FAM169A: variants seen among roughly 807,000 people sequenced by gnomAD.
FAM169A encodes the protein soluble lamin-associated protein of 75 kDa.
A neutral mutation model predicts 75.7 loss-of-function variants in FAM169A; 24 were observed. The observed-to-expected ratio is 0.32, with a 90% CI of 0.23 to 0.45. The LOEUF is 0.45. Among genes scored for constraint, FAM169A ranks in the 20% least tolerant of loss-of-function variants. The pLI is 1.00. For missense variants in FAM169A, 673 were observed against 784.0 expected (o/e 0.86, Z 1.69); for synonymous variants, 271 against 271.0 (o/e 1.00, Z 0.00).
At chr5:74,796,762 T>C (rs1426662779) in intron 10 of FAM169A, among the ~76,000 whole-genome samples, 1 of 152,050 alleles carries the variant, frequency 6.6e-6, no homozygotes, top group Non-Finnish European at 1.5e-5. Flanking sequence ...TCTTATTCTA[T>C]TAGAATGAGC....
chr5:74,860,980 T>C (rs62367766), intron 1 of FAM169A, among the ~76,000 whole-genome samples: 35,176 of 151,614 alleles, frequency 0.23, 4,296 homozygotes, highest in Middle Eastern at 0.3. Flanking sequence ...TACTAAAAAG[T>C]ACAAAAATTA....
At chr5:74,836,103 A>G (rs1469568826) in intron 4 of FAM169A, among the ~76,000 whole-genome samples, 1 of 152,172 alleles carries the variant, frequency 6.6e-6, no homozygotes, top group Non-Finnish European at 1.5e-5. Flanking sequence ...TTTCATGAAG[A>G]TATTTTGAAG....
intron 10 of FAM169A, among the ~76,000 whole-genome samples, chr5:74,798,505 T>C (rs1746393466): frequency 6.6e-6 from 1 of 152,156 alleles, no homozygotes; most frequent in African/African-American, 2.4e-5. Flanking sequence ...CATTACAAAT[T>C]TTCACCAAAA....
At chr5:74,822,010 C>T (rs1390663863) in intron 5 of FAM169A, among the ~76,000 whole-genome samples, 4 of 152,242 alleles carry the variant, frequency 2.6e-5, no homozygotes, top group Middle Eastern at 3.4e-3. Context: ...GTCTCCAGGT[C>T]GTTGTATTTC....
At chr5:74,786,530 T>C (rs952510068) in intron 11 of FAM169A, among the ~76,000 whole-genome samples, 5 of 152,092 alleles carry the variant, frequency 3.3e-5, no homozygotes, top group Non-Finnish European at 7.4e-5. Context: ...ACACCGCTCG[T>C]GAGAGGGAAG....
At chr5:74,834,851 C>A (rs1399946492) in intron 4 of FAM169A, among the ~76,000 whole-genome samples, 1 of 152,022 alleles carries the variant, frequency 6.6e-6, no homozygotes, top group African/African-American at 2.4e-5. Context: ...GGGCAAAAAA[C>A]AGGTCCCCAA....
At chr5:74,784,549 AGTATT>A in intron 11 of FAM169A, among the ~76,000 whole-genome samples, 1 of 141,432 alleles carries the variant, frequency 7.1e-6, no homozygotes, top group African/African-American at 2.7e-5. Context: ...AAAGTGCAAT[AGTATT>A]ATAAAGTGAG....
intron 5 of FAM169A, among the ~76,000 whole-genome samples, chr5:74,833,812 A>T (rs1358258951): frequency 6.6e-6 from 1 of 152,210 alleles, no homozygotes; most frequent in Non-Finnish European, 1.5e-5. Context: ...CAGCTGCTCT[A>T]GGGAGCTGAA....
intron 1 of FAM169A, 88 bp downstream of exon 1, chr5:74,866,077 G>T: frequency 1.5e-6 from 1 of 665,664 alleles, no homozygotes; most frequent in Non-Finnish European, 1.9e-6. Context: ...CGGTGTCCGC[G>T]GGTCTGGTGC....
At chr5:74,783,400 C>A (rs1016063896) in intron 11 of FAM169A, among the ~76,000 whole-genome samples, 18 of 152,166 alleles carry the variant, frequency 1.2e-4, no homozygotes, top group African/African-American at 4.3e-4. Context: ...TGTGGACACA[C>A]AGTATGGGTC....
chr5:74,842,072 C>A (rs892144730), intron 1 of FAM169A, among the ~76,000 whole-genome samples: 2 of 150,140 alleles, frequency 1.3e-5, no homozygotes, highest in African/African-American at 2.5e-5. Flanking sequence ...AAATGTTCTA[C>A]AATTGGATTG....
At chr5:74,792,825 A>G (rs1580082110) in intron 11 of FAM169A, among the ~76,000 whole-genome samples, 1 of 152,214 alleles carries the variant, frequency 6.6e-6, no homozygotes, top group Non-Finnish European at 1.5e-5. Context: ...TACAACCACT[A>G]TGGAAAACAG....
chr5:74,813,072 A>AC (rs1747287679), intron 6 of FAM169A, among the ~76,000 whole-genome samples: 1 of 152,240 alleles, frequency 6.6e-6, no homozygotes, highest in South Asian at 2.1e-4. Context: ...ACAAAAAGCC[A>AC]CATGCTATAT....
intron 11 of FAM169A, among the ~76,000 whole-genome samples, chr5:74,792,235 T>C (rs530273507): frequency 6.6e-6 from 1 of 152,268 alleles, no homozygotes; most frequent in East Asian, 1.9e-4. Flanking sequence ...CTTGATTGGA[T>C]TGAAGGATGC....
intron 11 of FAM169A, among the ~76,000 whole-genome samples, chr5:74,794,493 A>G (rs924407799): frequency 4.1e-4 from 58 of 140,164 alleles, no homozygotes; most frequent in Middle Eastern, 0.01. Context: ...TTGGGAGGCC[A>G]AGAGGAGCAG....
At chr5:74,796,385 T>C (rs996123434) in intron 10 of FAM169A, among the ~76,000 whole-genome samples, 199 bp from the exon 11 acceptor site, 4 of 151,922 alleles carry the variant, frequency 2.6e-5, no homozygotes, top group Non-Finnish European at 5.9e-5. Context: ...CCTTCTTCTT[T>C]TATTCTATCC....
At chr5:74,834,670 C>T (rs749801752) in intron 4 of FAM169A, 73 bp from the exon 5 acceptor site, 27 of 1,238,696 alleles carry the variant, frequency 2.2e-5, no homozygotes, top group Non-Finnish European at 2.8e-5. Flanking sequence ...TTACTTTGCT[C>T]CCTGCTCCCA....
chr5:74,859,839 G>T (rs183748223), intron 1 of FAM169A, among the ~76,000 whole-genome samples: 1 of 151,980 alleles, frequency 6.6e-6, no homozygotes, highest in East Asian at 1.9e-4. Flanking sequence ...GCAACAAAGC[G>T]AGACCCCATC....
At chr5:74,790,674 C>G (rs1745929138) in intron 11 of FAM169A, among the ~76,000 whole-genome samples, 1 of 152,274 alleles carries the variant, frequency 6.6e-6, no homozygotes, top group African/African-American at 2.4e-5. Context: ...CCAATGGGTC[C>G]ATGAACAAAG....
Sources: gnomAD v4.1 joint callset for allele counts (sites outside exome capture counted in the v4.1 genomes callset) on GRCh38, gnomAD v4.1.1 for gene constraint, MANE v1.5 for transcripts, NCBI Gene and HGNC (gene_info 2026-07-23, HGNC 2026-07-21) for gene names.